DAB1: variants seen among roughly 807,000 people sequenced by gnomAD.
DAB1 encodes the protein DAB adaptor protein 1, also known as disabled homolog 1.
Under a neutral mutation model 64.6 loss-of-function variants are expected in DAB1, and 15 were observed. That is an observed-to-expected ratio of 0.23 (90% CI 0.16 to 0.36). The LOEUF is 0.36. Ranked by LOEUF, DAB1 falls within the 10% of genes least tolerant of loss-of-function variation. The pLI is 1.00. For missense variants in DAB1, 596 were observed against 706.7 expected (o/e 0.84, Z 1.78); for synonymous variants, 235 against 251.9 (o/e 0.93, Z 0.64).
intron 7 of DAB1, among the ~76,000 whole-genome samples, chr1:57,597,677 C>G (rs1252257187): frequency 6.6e-6 from 1 of 152,226 alleles, no homozygotes; most frequent in Non-Finnish European, 1.5e-5. Context: ...AATGGGCCAG[C>G]CTTTTCAGGC....
chr1:57,303,836 T>C (rs1043914854), intron 1 of DAB1, among the ~76,000 whole-genome samples: 1 of 152,074 alleles, frequency 6.6e-6, no homozygotes, highest in Non-Finnish European at 1.5e-5. Context: ...TAGAAAGTCA[T>C]ACCCAGTGTT....
chr1:58,121,254 T>C (rs556677703), intron 5 of DAB1, among the ~76,000 whole-genome samples: 1 of 152,282 alleles, frequency 6.6e-6, no homozygotes, highest in African/African-American at 2.4e-5. Context: ...AGCTGGATCA[T>C]GTCACTCCCA....
intron 1 of DAB1, among the ~76,000 whole-genome samples, chr1:57,367,812 T>C (rs1680179715): frequency 6.6e-6 from 1 of 151,988 alleles, no homozygotes; most frequent in South Asian, 2.1e-4. Context: ...AGGCCTCCTG[T>C]TCCATAGAGC....
chr1:57,336,292 G>A (rs1426937615), intron 1 of DAB1, among the ~76,000 whole-genome samples: 6 of 152,128 alleles, frequency 3.9e-5, no homozygotes, highest in Admixed American at 3.3e-4. Flanking sequence ...AATCCAAGAA[G>A]AAATTAAAAT....
At chr1:58,055,922 T>C (rs375538040) in intron 5 of DAB1, among the ~76,000 whole-genome samples, 4 of 150,118 alleles carry the variant, frequency 2.7e-5, no homozygotes, top group East Asian at 1.9e-4. Flanking sequence ...ATTTTTTGTA[T>C]AGACAGGGTC....
At chr1:58,164,721 C>T (rs1416906196) in intron 4 of DAB1, among the ~76,000 whole-genome samples, 2 of 152,114 alleles carry the variant, frequency 1.3e-5, no homozygotes, top group African/African-American at 2.4e-5. Flanking sequence ...TGGACACTAC[C>T]TCCAGTTCTC....
intron 3 of DAB1, among the ~76,000 whole-genome samples, chr1:58,467,772 G>A (rs1298997830): frequency 6.6e-6 from 1 of 152,090 alleles, no homozygotes; most frequent in Non-Finnish European, 1.5e-5. Context: ...AAATACTTCA[G>A]GCATATAAAA....
In DAB1 at chr1:58,365,979, C is replaced by T. The variant is rs6670008; in HGVS notation, n.258-22576G>A. The stretch of plus-strand genomic sequence containing the variant: ...CTAGCGGGCAACGAGAACCCCATCA[C>T]TAGTGGTAGGTACAAGAAACAGGCC... On this transcript the variant is annotated intron_variant and non_coding_transcript_variant, in intron 3 of 20. Transcript: ENST00000485760. Among the ~76,000 whole-genome samples the T allele has an allele frequency of 3.4e-3, 524 of 152,262 alleles. 4 individuals are homozygous for T. Among genetic ancestry groups the T allele is most frequent in the Middle Eastern group, 0.027 (8 of 294 alleles).
At chr1:57,925,056 G>A (rs1644860383) in intron 5 of DAB1, among the ~76,000 whole-genome samples, 1 of 152,222 alleles carries the variant, frequency 6.6e-6, no homozygotes, top group Non-Finnish European at 1.5e-5. Context: ...ATAAAAATCA[G>A]GTTGTTAAAT....
At chr1:58,287,135 A>G (rs1224108256) in intron 4 of DAB1, among the ~76,000 whole-genome samples, 1 of 152,136 alleles carries the variant, frequency 6.6e-6, no homozygotes, top group Non-Finnish European at 1.5e-5. Flanking sequence ...ACATAGACAC[A>G]GGGAGGGAAC....
chr1:57,947,639 G>A (rs1036131611), intron 5 of DAB1, among the ~76,000 whole-genome samples: 8 of 151,644 alleles, frequency 5.3e-5, no homozygotes, highest in Admixed American at 1.3e-4. Context: ...TCTGACTCAC[G>A]TTCGATGCAC....
At chr1:58,090,146 G>GTGCTTGTA (rs1351601236) in intron 5 of DAB1, among the ~76,000 whole-genome samples, 10 of 152,170 alleles carry the variant, frequency 6.6e-5, no homozygotes, top group African/African-American at 2.4e-4. Flanking sequence ...AGGAGAGGAG[G>GTGCTTGTA]TGCTTGTATT....
intron 9 of DAB1, among the ~76,000 whole-genome samples, chr1:57,044,316 A>G (rs967410985): frequency 6.6e-6 from 1 of 152,226 alleles, no homozygotes; most frequent in Non-Finnish European, 1.5e-5. Context: ...AGTGCTTGAC[A>G]CACAGTGGAC....
At position 57,282,214 on chromosome 1, in the gene DAB1, A is replaced by G. The variant is rs75845113; in HGVS notation, c.67+8750T>C. On this transcript the variant is annotated intron_variant, in intron 2 of 14. Transcript: ENST00000371236. ...AAAAAAAAAAAAAAAAAAAAAAAAC[A>G]GGTGACTGAGTTTTGAAGGATGAAC... Among the ~76,000 whole-genome samples, 173 of 38,650 alleles carry G rather than the reference A, an allele frequency of 4.5e-3. 17 individuals are homozygous for G. The highest frequency in any genetic ancestry group is 5.3e-3 in the African/African-American group (51 of 9,708). The allele number at this position is 38,650 out of a possible 152,430, so 25.4% of individuals were successfully genotyped here.
At chr1:57,528,679 G>T (rs1240004652) in intron 7 of DAB1, among the ~76,000 whole-genome samples, 1 of 123,600 alleles carries the variant, frequency 8.1e-6, no homozygotes, top group Non-Finnish European at 1.8e-5. Context: ...CACACACACG[G>T]ACACACAACA....
intron 1 of DAB1, among the ~76,000 whole-genome samples, chr1:57,844,141 T>C (rs1653173985): frequency 6.6e-6 from 1 of 152,242 alleles, no homozygotes. Context: ...AAATCTTCTT[T>C]TGTAATTCCT....
At chr1:57,250,826 G>T (rs1258494873) in intron 2 of DAB1, among the ~76,000 whole-genome samples, 1 of 152,100 alleles carries the variant, frequency 6.6e-6, no homozygotes, top group African/African-American at 2.4e-5. Flanking sequence ...TTTCAGAGGG[G>T]CTACTTTTAC....
chr1:57,658,318 T>TC (rs1646342148), intron 6 of DAB1, among the ~76,000 whole-genome samples: 1 of 150,636 alleles, frequency 6.6e-6, no homozygotes, highest in Non-Finnish European at 1.5e-5. Flanking sequence ...TTTTTTTTTT[T>TC]TTTTTGAGAT....
intron 3 of DAB1, among the ~76,000 whole-genome samples, chr1:58,347,177 G>A (rs1644009964): frequency 6.6e-6 from 1 of 152,016 alleles, no homozygotes; most frequent in African/African-American, 2.4e-5. Flanking sequence ...ACACAATCTC[G>A]GCTCACCACA....
Sources: allele counts gnomAD v4.1 joint callset (sites outside exome capture counted in the v4.1 genomes callset), GRCh38; gene constraint gnomAD v4.1.1; transcripts MANE v1.5; gene names NCBI Gene and HGNC (gene_info 2026-07-23, HGNC 2026-07-21).